The following NIPBL variants were observed in gnomAD, a reference collection of about 807,000 sequenced individuals.
The protein encoded by NIPBL is nipped-B-like protein.
Under a neutral mutation model 321.8 loss-of-function variants are expected in NIPBL, and 19 were observed. The ratio of observed to expected loss-of-function variants is 0.06; its 90% CI spans 0.04 to 0.09. NIPBL has a LOEUF of 0.09. Among genes scored for constraint, NIPBL ranks in the 10% least tolerant of loss-of-function variants. The pLI is 1.00. For missense variants in NIPBL, 2,210 were observed against 3,327.0 expected (o/e 0.66, Z 8.26); for synonymous variants, 1,106 against 1,114.1 (o/e 0.99, Z 0.14).
intron 1 of NIPBL, among the ~76,000 whole-genome samples, chr5:36,930,094 C>CTAACT (rs1554063169): frequency 6.6e-6 from 1 of 151,836 alleles, no homozygotes; most frequent in Non-Finnish European, 1.5e-5. Context: ...TTAGGATCAG[C>CTAACT]TTATTTCTAT....
At chr5:36,924,992 A>G (rs1305269162) in intron 1 of NIPBL, among the ~76,000 whole-genome samples, 1 of 152,186 alleles carries the variant, frequency 6.6e-6, no homozygotes, top group Non-Finnish European at 1.5e-5. Flanking sequence ...TGTATTTTTA[A>G]AGGAAAATAT....
At chr5:36,929,999 T>C (rs1452076533) in intron 1 of NIPBL, among the ~76,000 whole-genome samples, 1 of 152,066 alleles carries the variant, frequency 6.6e-6, no homozygotes, top group Non-Finnish European at 1.5e-5. Flanking sequence ...TAGTAAGTTT[T>C]GAAATTGGGT....
chr5:37,048,860 A>C (rs1753235552), intron 39 of NIPBL, among the ~76,000 whole-genome samples, 185 bp downstream of exon 39: 1 of 152,168 alleles, frequency 6.6e-6, no homozygotes, highest in Non-Finnish European at 1.5e-5. Flanking sequence ...ATAGTTTTAA[A>C]ATTGTATATG....
Position 37,026,245 on chromosome 5 carries a change from C to A in NIPBL, c.5726C>A (p.Thr1909Lys). The A allele has an allele frequency of 6.2e-7, 1 of 1,604,408 alleles. No individual in the cohort carries two copies. Residue 1909 changes from threonine to lysine, a missense_variant, in exon 31 of 47, where the codon ACA (threonine) becomes AAA (lysine). Thr to Lys is a moderately conservative substitution (Grantham distance 78, BLOSUM62 -1). Transcript: ENST00000282516. ...TCCTTCTAGAAATTAGTAAATGAAA[C>A]ATTCCAGAAACTCTGGTTTACTCCA... is the stretch of plus-strand genomic sequence containing the variant. Reference protein sequence around the residue: ...EEGIKKLVNETFQKLWFTPTP... With the variant: ...EEGIKKLVNEKFQKLWFTPTP...
Position 37,020,558 on chromosome 5 carries a change from A to G in NIPBL, c.5110A>G (p.Thr1704Ala). 1 of 1,613,996 alleles carries G rather than the reference A, an allele frequency of 6.2e-7. No individual in the cohort carries two copies. Among genetic ancestry groups the G allele is most frequent in the Middle Eastern group, 1.7e-4 (1 of 6,060 alleles). The change falls in exon 26 of 47, where the codon ACA becomes GCA. Residue 1704 changes from threonine (T) to alanine (A), a missense_variant. Transcript: ENST00000282516. ...SQKDEESSEGTHHAKEIETTG... is the reference protein window; with the variant it reads ...SQKDEESSEGAHHAKEIETTG... ...AAAAGATGAAGAATCATCTGAAGGA[A>G]CACATCATGCAAAGGAAATTGAGAC...
chr5:36,955,103 G>A (rs293752), intron 2 of NIPBL: 2,577 of 235,984 alleles, frequency 0.011, 64 homozygotes, highest in African/African-American at 0.055. Flanking sequence ...TTGTATGAGC[G>A]TACTATTGAT....
chr5:36,918,929 A>G (rs1415358749), intron 1 of NIPBL, among the ~76,000 whole-genome samples: 2 of 152,100 alleles, frequency 1.3e-5, no homozygotes, highest in Non-Finnish European at 2.9e-5. Flanking sequence ...CGCTTTGCCA[A>G]TATTTTATTG....
chr5:36,960,814 T>C (rs1206176638), intron 4 of NIPBL, among the ~76,000 whole-genome samples: 1 of 152,150 alleles, frequency 6.6e-6, no homozygotes, highest in Non-Finnish European at 1.5e-5. Context: ...ATGTGAATAA[T>C]TGAGAAATAA....
At chr5:36,900,666 G>C (rs1317114526) in intron 1 of NIPBL, among the ~76,000 whole-genome samples, 1 of 151,856 alleles carries the variant, frequency 6.6e-6, no homozygotes, top group East Asian at 1.9e-4. Flanking sequence ...CATATGCTCG[G>C]GTTTTTTTTG....
intron 6 of NIPBL, among the ~76,000 whole-genome samples, chr5:36,962,644 T>C (rs1249125613): frequency 6.6e-6 from 1 of 152,210 alleles, no homozygotes; most frequent in Non-Finnish European, 1.5e-5. Context: ...AGTCAGCCTT[T>C]CACATACATG....
chr5:36,885,673 C>G, intron 1 of NIPBL: 1 of 570,090 alleles, frequency 1.8e-6, no homozygotes, highest in South Asian at 1.5e-5. Flanking sequence ...TTGACAATGC[C>G]TACCTTGCTG....
chr5:36,959,481 G>A (rs929320101), intron 4 of NIPBL, among the ~76,000 whole-genome samples: 1 of 152,138 alleles, frequency 6.6e-6, no homozygotes, highest in Non-Finnish European at 1.5e-5. Flanking sequence ...GACTTCACCA[G>A]AACTAATAAG....
At chr5:36,962,503 A>G (rs879508321) in intron 6 of NIPBL, among the ~76,000 whole-genome samples, 1 of 152,182 alleles carries the variant, frequency 6.6e-6, no homozygotes, top group Non-Finnish European at 1.5e-5. Flanking sequence ...GGCTTTTTGG[A>G]TTCAGTTATT....
At chr5:36,966,492 CAGT>C (rs1489550747) in intron 6 of NIPBL, among the ~76,000 whole-genome samples, 1 of 151,998 alleles carries the variant, frequency 6.6e-6, no homozygotes, top group Non-Finnish European at 1.5e-5. Flanking sequence ...GTCTCAGTAT[CAGT>C]GGTGTTTAGG....
chr5:37,040,793 G>A (rs923011036), intron 34 of NIPBL, among the ~76,000 whole-genome samples: 2 of 152,182 alleles, frequency 1.3e-5, no homozygotes, highest in Non-Finnish European at 2.9e-5. Flanking sequence ...TGCAGTGGAT[G>A]TGTTTTATAC....
intron 1 of NIPBL, chr5:36,885,948 T>G: frequency 1.4e-6 from 1 of 735,706 alleles, no homozygotes; most frequent in South Asian, 1.4e-5. Flanking sequence ...GCCAAGATCA[T>G]GGCAGACATA....
At chr5:37,019,424 G>A (rs776457978) in intron 25 of NIPBL, 24 bp downstream of exon 25, 1 of 1,521,920 alleles carries the variant, frequency 6.6e-7, no homozygotes, top group Non-Finnish European at 9.1e-7. Flanking sequence ...CCCCTGTTTT[G>A]GAGATACTAC....
chr5:36,919,919 T>C (rs575694532), intron 1 of NIPBL, among the ~76,000 whole-genome samples: 33 of 152,282 alleles, frequency 2.2e-4, no homozygotes, highest in African/African-American at 7.7e-4. Context: ...TAAAATATCT[T>C]TTAAACTTGT....
intron 1 of NIPBL, among the ~76,000 whole-genome samples, chr5:36,896,425 T>A (rs1159563849): frequency 2.6e-5 from 4 of 152,210 alleles, no homozygotes; most frequent in Admixed American, 2.6e-4. Flanking sequence ...CATTTTCATA[T>A]GAAGTTTAGG....
Sources: allele counts gnomAD v4.1 joint callset (sites outside exome capture counted in the v4.1 genomes callset), GRCh38; gene constraint gnomAD v4.1.1; transcripts MANE v1.5; gene names NCBI Gene and HGNC (gene_info 2026-07-23, HGNC 2026-07-21).